The following PCDHGA6 variants were observed in gnomAD, a reference collection of about 807,000 sequenced individuals.
PCDHGA6 encodes protocadherin gamma-A6.
Under a neutral mutation model 60.6 loss-of-function variants are expected in PCDHGA6, and 41 were observed. That is an observed-to-expected ratio of 0.68 (90% CI 0.53 to 0.88). The LOEUF is 0.88. Ranked by LOEUF, PCDHGA6 falls within the 40% of genes least tolerant of loss-of-function variation. PCDHGA6 has a pLI of 0.00. For missense variants in PCDHGA6, 1,312 were observed against 1,203.0 expected, an observed-to-expected ratio of 1.09 and a Z score of -1.34; for synonymous variants, 594 against 524.4, an observed-to-expected ratio of 1.13 and a Z score of -1.81.
intron 1 of PCDHGA6, chr5:141,430,664 C>G (rs2154553866): frequency 8.3e-7 from 1 of 1,209,890 alleles, no homozygotes; most frequent in East Asian, 2.6e-5. Context: ...CGGAGGAGCT[C>G]TGACTTCCCA....
chr5:141,488,572 T>C (rs888054788), intron 1 of PCDHGA6, among the ~76,000 whole-genome samples: 28 of 152,212 alleles, frequency 1.8e-4, no homozygotes, highest in African/African-American at 6.8e-4. Flanking sequence ...CCGCAAAGCA[T>C]TGCTGGAGAG....
chr5:141,403,540 G>A (rs752983401), intron 1 of PCDHGA6: 2 of 1,613,886 alleles, frequency 1.2e-6, no homozygotes, highest in African/African-American at 2.7e-5. Context: ...AGCTGGTGCT[G>A]GAGCGCGCCC....
In PCDHGA6 at chr5:141,462,383, G is replaced by A. The variant is rs78537075; in HGVS notation, c.2425-32424G>A. Among the ~76,000 whole-genome samples the A allele has an allele frequency of 5.6e-4, 85 of 151,920 alleles. 1 individual carries two copies. In the East Asian group the frequency reaches 0.016, roughly 29 times the overall value. ...GTATAGTTTCTATTCTTTTAAATTC[G>A]TTAACATTTCTTTTATGGCACAGAA... On this transcript the variant is annotated intron_variant, in intron 1 of 3. Transcript: ENST00000517434.
rs560582745 is a variant in PCDHGA6 at position 141,399,792 on chromosome 5, A to C, written c.2424+23285A>C. On this transcript the variant is annotated intron_variant, in intron 1 of 3. Transcript: ENST00000517434. ...TGGTGGGCGACCGAAACGACAACGCACCGCGGGTGCTGTACCCCGCGCTGG... is the reference window on the plus strand; with the variant it reads ...TGGTGGGCGACCGAAACGACAACGCCCCGCGGGTGCTGTACCCCGCGCTGG... 8 of 1,613,146 alleles carry C rather than the reference A, an allele frequency of 5.0e-6. No homozygotes were observed. The South Asian group carries it at 8.8e-5, about 18-fold the overall frequency.
At chr5:141,383,492 G>A (rs1012277194) in intron 1 of PCDHGA6, 4 of 1,613,060 alleles carry the variant, frequency 2.5e-6, no homozygotes, top group African/African-American at 2.7e-5. Context: ...GTGCTGGAGC[G>A]GGTGCTGGAC....
intron 1 of PCDHGA6, chr5:141,478,865 T>G: frequency 7.5e-7 from 1 of 1,326,190 alleles, no homozygotes; most frequent in Non-Finnish European, 1.0e-6. Context: ...ATCTCAGCGA[T>G]CAGAGTTTAG....
At chr5:141,471,021 A>C (rs1399168691) in intron 1 of PCDHGA6, among the ~76,000 whole-genome samples, 1 of 136,940 alleles carries the variant, frequency 7.3e-6, no homozygotes, top group African/African-American at 2.7e-5. Flanking sequence ...CTGGTCAATC[A>C]TTTTTATTAA....
At chr5:141,458,509 CTTTG>C (rs1327998402) in intron 1 of PCDHGA6, among the ~76,000 whole-genome samples, 2 of 149,986 alleles carry the variant, frequency 1.3e-5, no homozygotes. Context: ...CTGTTTGACA[CTTTG>C]TTTTTTTTTT....
chr5:141,392,836 C>G, intron 1 of PCDHGA6: 1 of 1,608,040 alleles, frequency 6.2e-7, no homozygotes, highest in Non-Finnish European at 8.5e-7. Flanking sequence ...CAGAGTCGCC[C>G]CAGACGCGGC....
chr5:141,378,083 A>G (rs1774605949), intron 1 of PCDHGA6: 2 of 152,174 alleles, frequency 1.3e-5, no homozygotes, highest in South Asian at 4.1e-4. Context: ...TAATTTTATA[A>G]CTTTTTTTCA....
chr5:141,375,340 C>T lies in PCDHGA6; in HGVS notation c.1257C>T (p.Asn419=), dbSNP rs1177631226. ...ACCGGGAAGAGGTATTCTTGTACAA[C>T]ATCACTGTGACAGCCACGGACAAAG... ...ALDREEVFLY[N]ITVTATDKGT... The change falls in exon 1 of 4, where the codon AAC becomes AAT. Residue 419 remains asparagine (N), a synonymous_variant. Coordinates refer to ENST00000517434, the MANE Select transcript of PCDHGA6 (RefSeq NM_018919.3). 1.2e-6 allele frequency: 2 copies of T among 1,613,836 alleles called. No homozygotes were observed. Among genetic ancestry groups the T allele is most frequent in the African/African-American group, 1.3e-5 (1 of 75,046 alleles).
In PCDHGA6 at chr5:141,374,565, A is replaced by C; in HGVS notation, c.482A>C (p.Asp161Ala). 1 of 1,613,688 alleles carries C rather than the reference A, an allele frequency of 6.2e-7. No individual in the cohort carries two copies. Among genetic ancestry groups the C allele is most frequent in the Non-Finnish European group, 8.5e-7 (1 of 1,179,696 alleles). Reference sequence around the variant, plus strand: ...CCACTAATGGAGGTCTATGACCCTGATGTGGGAATGAACTCCCTTCAGGGA... The same window carrying C: ...CCACTAATGGAGGTCTATGACCCTGCTGTGGGAATGAACTCCCTTCAGGGA... Reference protein sequence around the residue: ...RFPLMEVYDPDVGMNSLQGFK... With the variant: ...RFPLMEVYDPAVGMNSLQGFK... The change falls in exon 1 of 4, where the codon GAT becomes GCT. Residue 161 changes from aspartate to alanine, a missense_variant. Asp to Ala is a moderately radical substitution (Grantham distance 126). Coordinates refer to ENST00000517434, the MANE Select transcript of PCDHGA6 (RefSeq NM_018919.3).
chr5:141,408,469 A>G (rs1454570616), intron 1 of PCDHGA6: 2 of 1,614,078 alleles, frequency 1.2e-6, no homozygotes, highest in South Asian at 2.2e-5. Flanking sequence ...TGAAGAACCG[A>G]ATAGACCGTG....
In PCDHGA6 at chr5:141,374,378, A is replaced by C; in HGVS notation, c.295A>C (p.Ser99Arg). Residue 99 changes from serine (S) to arginine (R), a missense_variant, in exon 1 of 4, where the codon AGC becomes CGC. Physicochemically the swap from Ser to Arg is moderately radical, Grantham distance 110. Coordinates refer to ENST00000517434, the MANE Select transcript of PCDHGA6 (RefSeq NM_018919.3). ...RIDREELCAQ[S>R]PRCLVSFNIL... ...AGACCGCGAGGAGCTCTGTGCTCAG[A>C]GCCCGCGGTGTCTGGTGAGTTTTAA... 1 of 1,614,038 alleles carries C rather than the reference A, an allele frequency of 6.2e-7. No individual in the cohort carries two copies. The highest frequency in any genetic ancestry group is 8.5e-7 in the Non-Finnish European group (1 of 1,179,898).
chr5:141,495,529 C>T (rs1466269939), intron 2 of PCDHGA6, among the ~76,000 whole-genome samples: 1 of 152,210 alleles, frequency 6.6e-6, no homozygotes, highest in African/African-American at 2.4e-5. Flanking sequence ...ACCTCTCAGT[C>T]CTTCCCTCAG....
chr5:141,438,368 G>A (rs1216571092), intron 1 of PCDHGA6, among the ~76,000 whole-genome samples: 2 of 151,558 alleles, frequency 1.3e-5, no homozygotes, highest in African/African-American at 4.8e-5. Context: ...GTCATTGAGG[G>A]CAGATATAAT....
At position 141,419,169 on chromosome 5, in the gene PCDHGA6, C is replaced by T. The variant is rs746258255; in HGVS notation, c.2424+42662C>T. 73 of 1,613,970 alleles carry T rather than the reference C, an allele frequency of 4.5e-5. No homozygotes were observed. The highest frequency in any genetic ancestry group is 3.3e-4 in the Middle Eastern group (2 of 6,062). The stretch of plus-strand genomic sequence containing the variant: ...AAGCCTCCGTTATCCTCCAGCAAAA[C>T]CATAACCCTGCACATTACTGACGTC... On this transcript the variant is annotated intron_variant, in intron 1 of 3. Coordinates refer to ENST00000517434, the MANE Select transcript of PCDHGA6 (RefSeq NM_018919.3).
At chr5:141,412,441 G>A (rs1334085357) in intron 1 of PCDHGA6, 2 of 152,124 alleles carry the variant, frequency 1.3e-5, no homozygotes, top group Non-Finnish European at 2.9e-5. Context: ...GTTAATTAAG[G>A]CTCAGTAAAA....
At chr5:141,408,844 C>G (rs1359968983) in intron 1 of PCDHGA6, 1 of 1,613,634 alleles carries the variant, frequency 6.2e-7, no homozygotes, top group South Asian at 1.1e-5. Context: ...TATTGACTGC[C>G]TTGGACGGAG....
Sources: gnomAD v4.1 joint callset for allele counts (sites outside exome capture counted in the v4.1 genomes callset) on GRCh38, gnomAD v4.1.1 for gene constraint, MANE v1.5 for transcripts, NCBI Gene and HGNC (gene_info 2026-07-23, HGNC 2026-07-21) for gene names.